Variants in RBMS3 observed in about 807,000 individuals in gnomAD.
RBMS3 encodes RNA binding motif single stranded interacting protein 3, also known as RNA-binding motif, single-stranded-interacting protein 3.
In RBMS3, 27 loss-of-function variants were observed where a neutral mutation model predicts 66.8. The observed-to-expected ratio is 0.40, with a 90% confidence interval of 0.30 to 0.56. The LOEUF is 0.56. Ranked by LOEUF, RBMS3 falls within the 20% of genes least tolerant of loss-of-function variation. The probability of loss-of-function intolerance (pLI) is 0.40; values close to 1 mark genes in which losing one functional copy is unlikely to be tolerated. For synonymous variants in RBMS3, 188 were observed against 183.0 expected (o/e 1.03, Z -0.22); for missense variants, 513 against 549.5 (o/e 0.93, Z 0.66).
At chr3:29,307,859 A>G (rs2034111777) in intron 1 of RBMS3, among the ~76,000 whole-genome samples, 1 of 151,850 alleles carries the variant, frequency 6.6e-6, no homozygotes, top group East Asian at 1.9e-4. Context: ...TTTATAAACA[A>G]TTTGTTATTC....
chr3:29,754,035 G>A (rs895308790), intron 5 of RBMS3, among the ~76,000 whole-genome samples: 1 of 151,508 alleles, frequency 6.6e-6, no homozygotes, highest in African/African-American at 2.4e-5. Flanking sequence ...TTGGCTGACT[G>A]CAACTTCTGC....
At chr3:29,605,538 A>G (rs2048295315) in intron 4 of RBMS3, among the ~76,000 whole-genome samples, 1 of 151,952 alleles carries the variant, frequency 6.6e-6, no homozygotes. Flanking sequence ...ATCCTGGTAG[A>G]AAAAGAAATG....
intron 6 of RBMS3, among the ~76,000 whole-genome samples, chr3:29,779,876 T>C (rs1468024541): frequency 1.3e-5 from 2 of 150,894 alleles, no homozygotes; most frequent in Non-Finnish European, 1.5e-5. Context: ...TTTTTTTTAA[T>C]TCAATAAACA....
intron 1 of RBMS3, among the ~76,000 whole-genome samples, chr3:29,366,280 C>A (rs1176960894): frequency 6.6e-6 from 1 of 152,176 alleles, no homozygotes; most frequent in Non-Finnish European, 1.5e-5. Context: ...CAGTGCCATG[C>A]AGACATTACC....
At chr3:29,565,222 G>T (rs2046699106) in intron 3 of RBMS3, among the ~76,000 whole-genome samples, 2 of 152,146 alleles carry the variant, frequency 1.3e-5, no homozygotes, top group South Asian at 4.1e-4. Flanking sequence ...TTTGATAAGT[G>T]GTTGAAGGAG....
At chr3:29,887,888 C>G (rs2059909708) in intron 8 of RBMS3, among the ~76,000 whole-genome samples, 1 of 151,730 alleles carries the variant, frequency 6.6e-6, no homozygotes, top group Non-Finnish European at 1.5e-5. Context: ...TTAATTGTTA[C>G]AAATCGACAT....
At chr3:29,551,039 C>G (rs994837472) in intron 3 of RBMS3, among the ~76,000 whole-genome samples, 3 of 152,140 alleles carry the variant, frequency 2.0e-5, no homozygotes, top group Admixed American at 2.0e-4. Flanking sequence ...GTAGAGAGGT[C>G]TGGGAGTTCT....
chr3:29,686,286 A>C (rs1352607588), intron 4 of RBMS3, among the ~76,000 whole-genome samples: 1 of 152,084 alleles, frequency 6.6e-6, no homozygotes, highest in Non-Finnish European at 1.5e-5. Context: ...GAGTCCCCCC[A>C]TTTCAAAATT....
intron 3 of RBMS3, among the ~76,000 whole-genome samples, chr3:29,530,120 T>C (rs2045293195): frequency 6.6e-6 from 1 of 152,154 alleles, no homozygotes; most frequent in Admixed American, 6.5e-5. Flanking sequence ...CTCAAAAGCC[T>C]TTTTTACCCC....
At chr3:29,626,690 CA>C (rs1031033450) in intron 4 of RBMS3, among the ~76,000 whole-genome samples, 4 of 152,008 alleles carry the variant, frequency 2.6e-5, no homozygotes, top group Admixed American at 2.6e-4. Context: ...AAAGCACCTG[CA>C]TATCGGCAGG....
intron 14 of RBMS3, among the ~76,000 whole-genome samples, chr3:29,995,321 C>A (rs1293375628): frequency 3.9e-5 from 6 of 152,128 alleles, no homozygotes; most frequent in Non-Finnish European, 8.8e-5. Context: ...GAGAATGGAA[C>A]CAAGTTGGAA....
At chr3:29,642,448 T>C (rs1242824993) in intron 4 of RBMS3, among the ~76,000 whole-genome samples, 1 of 152,088 alleles carries the variant, frequency 6.6e-6, no homozygotes, top group Admixed American at 6.6e-5. Context: ...ATCAGTTATA[T>C]TTGCCATATA....
intron 6 of RBMS3, among the ~76,000 whole-genome samples, chr3:29,825,453 G>T (rs2058187032): frequency 6.6e-6 from 1 of 152,080 alleles, no homozygotes; most frequent in East Asian, 1.9e-4. Flanking sequence ...ATGTGTTGTG[G>T]GAGGGACCTG....
chr3:29,701,294 GA>G (rs1277150316), intron 4 of RBMS3, among the ~76,000 whole-genome samples: 2 of 151,710 alleles, frequency 1.3e-5, no homozygotes, highest in Admixed American at 1.3e-4. Flanking sequence ...AAAAAAAAAA[GA>G]AAAAAAGTTT....
intron 1 of RBMS3, among the ~76,000 whole-genome samples, chr3:29,361,241 T>C (rs1276535564): frequency 6.6e-6 from 1 of 152,058 alleles, no homozygotes; most frequent in Non-Finnish European, 1.5e-5. Context: ...AGGGCAGGCC[T>C]GGTGGTGACA....
At chr3:29,997,405 CT>C (rs1432205379) in intron 14 of RBMS3, among the ~76,000 whole-genome samples, 6 of 149,324 alleles carry the variant, frequency 4.0e-5, no homozygotes, top group African/African-American at 1.5e-4. Context: ...GGAATCCTCC[CT>C]AACTCATTTT....
At chr3:29,366,942 T>C (rs1161726784) in intron 1 of RBMS3, among the ~76,000 whole-genome samples, 1 of 152,116 alleles carries the variant, frequency 6.6e-6, no homozygotes. Context: ...ATCAAAACAA[T>C]TATAAAGGCT....
chr3:29,917,463 A>G (rs9859872), intron 10 of RBMS3, among the ~76,000 whole-genome samples: 2,022 of 152,230 alleles, frequency 0.013, 41 homozygotes, highest in African/African-American at 0.046. Flanking sequence ...GATTTAATGC[A>G]GTATAAATTA....
intron 4 of RBMS3, chr3:29,698,133 T>A (rs1285308485): frequency 1.6e-5 from 14 of 873,210 alleles, no homozygotes; most frequent in Non-Finnish European, 1.9e-5. Context: ...CTTGTGGCTG[T>A]GCCTACATTC....
Sources: gnomAD v4.1 joint callset for allele counts (sites outside exome capture counted in the v4.1 genomes callset) on GRCh38, gnomAD v4.1.1 for gene constraint, MANE v1.5 for transcripts, NCBI Gene and HGNC (gene_info 2026-07-23, HGNC 2026-07-21) for gene names.